The following DPP10 variants were observed in gnomAD, a reference collection of about 807,000 sequenced individuals.
DPP10 encodes dipeptidyl peptidase like 10, also known as inactive dipeptidyl peptidase 10.
Under a neutral mutation model 120.9 loss-of-function variants are expected in DPP10, and 33 were observed. That is an observed-to-expected ratio of 0.27 (90% CI 0.21 to 0.37). The LOEUF (loss-of-function observed/expected upper bound fraction) is 0.37. Among genes scored for constraint, DPP10 ranks in the 10% least tolerant of loss-of-function variants. DPP10 has a pLI of 1.00. For synonymous variants in DPP10, 337 were observed against 326.1 expected (o/e 1.03, Z -0.36); for missense variants, 816 against 942.8 (o/e 0.87, Z 1.76).
At chr2:115,026,492 T>C (rs996512231) in intron 1 of DPP10, among the ~76,000 whole-genome samples, 3 of 152,148 alleles carry the variant, frequency 2.0e-5, no homozygotes, top group African/African-American at 7.2e-5. Context: ...GCTTTGACTA[T>C]TCTGGGTCTT....
chr2:114,839,428 G>A (rs1164876522), intron 1 of DPP10, among the ~76,000 whole-genome samples: 1 of 152,046 alleles, frequency 6.6e-6, no homozygotes. Context: ...AATTCTATTA[G>A]TGATCATCAA....
At chr2:115,329,183 C>T (rs544340861) in intron 2 of DPP10, among the ~76,000 whole-genome samples, 102 of 152,002 alleles carry the variant, frequency 6.7e-4, no homozygotes, top group Non-Finnish European at 3.7e-4. Context: ...CATTTGTCAG[C>T]TGTCCTCCTC....
intron 1 of DPP10, among the ~76,000 whole-genome samples, chr2:114,818,256 A>G (rs114018392): frequency 0.01 from 1,541 of 152,306 alleles, 34 homozygotes; most frequent in African/African-American, 0.034. Flanking sequence ...AGAAAAAATT[A>G]TAAAAACAGG....
At chr2:115,334,222 C>T (rs2062952697) in intron 2 of DPP10, among the ~76,000 whole-genome samples, 1 of 30,498 alleles carries the variant, frequency 3.3e-5, no homozygotes, top group African/African-American at 8.3e-5. Context: ...TGGACCAGAG[C>T]AGACTCTGTT....
At chr2:115,167,799 T>C (rs575152304) in intron 1 of DPP10, among the ~76,000 whole-genome samples, 45 of 152,268 alleles carry the variant, frequency 3.0e-4, no homozygotes, top group African/African-American at 9.9e-4. Flanking sequence ...TTTCAAAATA[T>C]TCTGTTACAT....
rs1359039775 is a variant in DPP10 at position 115,843,147 on chromosome 2, T to C, written c.*802T>C. The C allele has an allele frequency of 6.6e-6, 1 of 152,652 alleles. No individual in the cohort carries two copies. 9.5% of individuals were successfully genotyped at this position (152,652 alleles called of 1,614,324 possible). A position where few individuals can be genotyped will look rare whatever the true frequency, so the allele number is the denominator to read the frequency against. ...AATGAGCCAAATATGATGAAACATT[T>C]TTTCCAATTCAAATTCTAGCTATTG... On this transcript the variant is annotated 3_prime_UTR_variant, in exon 26 of 26. Coordinates refer to ENST00000410059, the MANE Select transcript of DPP10 (RefSeq NM_020868.6).
chr2:115,825,773 G>A (rs1575907673), intron 21 of DPP10, among the ~76,000 whole-genome samples: 1 of 152,164 alleles, frequency 6.6e-6, no homozygotes, highest in African/African-American at 2.4e-5. Flanking sequence ...GTGTTGAAAT[G>A]TTTGGCTATG....
chr2:115,834,361 A>G (rs1689231507), intron 21 of DPP10, among the ~76,000 whole-genome samples: 1 of 152,208 alleles, frequency 6.6e-6, no homozygotes, highest in Admixed American at 6.5e-5. Flanking sequence ...TCATGAACAA[A>G]CTGCATCAGA....
In DPP10 at chr2:115,524,754, G is replaced by A. The variant is rs182941447; in HGVS notation, c.367-1144G>A. 3.3e-5 allele frequency among the ~76,000 whole-genome samples: 5 copies of A among 152,194 alleles called. No homozygotes were observed. The East Asian group carries it at 5.8e-4, about 18-fold the overall frequency. ...CAAAGAGTCCTCTGATGTTGCAGTC[G>A]CATTAGCATGAAATCGAATAAAGTG... On this transcript the variant is annotated intron_variant, in intron 4 of 25. Transcript: ENST00000410059.
chr2:115,805,613 C>A (rs189557334), intron 19 of DPP10, among the ~76,000 whole-genome samples: 1 of 148,992 alleles, frequency 6.7e-6, no homozygotes, highest in Admixed American at 6.7e-5. Flanking sequence ...TCACTCCTGT[C>A]GCCCAGGCTG....
chr2:115,028,391 G>A (rs1703618345), intron 1 of DPP10, among the ~76,000 whole-genome samples: 1 of 151,932 alleles, frequency 6.6e-6, no homozygotes, highest in South Asian at 2.1e-4. Flanking sequence ...ATGTGTTTCT[G>A]CAGTTTCTGA....
rs62156292 is a variant in DPP10, at chr2:115,778,799, C to T, written c.1361+965C>T. Among the ~76,000 whole-genome samples the T allele has an allele frequency of 4.7e-3, 716 of 152,158 alleles. 3 individuals carry two copies. The highest frequency in any genetic ancestry group is 0.033 in the East Asian group (171 of 5,158). On this transcript the variant is annotated intron_variant, in intron 15 of 25. Coordinates refer to ENST00000410059, the MANE Select transcript of DPP10 (RefSeq NM_020868.6). ...TCAGAAGCAACCTTGTCCTTTTAAT[C>T]GCCTTTCTTAATACATCATTATTAT...
chr2:114,911,831 T>A (rs1261910627), intron 1 of DPP10, among the ~76,000 whole-genome samples: 2 of 152,130 alleles, frequency 1.3e-5, no homozygotes, highest in African/African-American at 2.4e-5. Flanking sequence ...AATGTTTACA[T>A]CAGTTACACT....
chr2:115,674,393 T>A (rs536702801), intron 5 of DPP10, among the ~76,000 whole-genome samples: 1 of 152,108 alleles, frequency 6.6e-6, no homozygotes, highest in South Asian at 2.1e-4. Flanking sequence ...ATGTTTTTTT[T>A]TTTTTAAGAT....
chr2:115,800,985 G>A (rs1437404469), intron 19 of DPP10, among the ~76,000 whole-genome samples: 1 of 152,160 alleles, frequency 6.6e-6, no homozygotes, highest in East Asian at 1.9e-4. Flanking sequence ...GTCATTGGTA[G>A]CTTGATGGGA....
intron 1 of DPP10, among the ~76,000 whole-genome samples, chr2:115,054,769 G>A (rs1382694158): frequency 1.3e-5 from 2 of 152,008 alleles, no homozygotes; most frequent in Admixed American, 6.6e-5. Flanking sequence ...AAATTAGCCA[G>A]GCGTGGTGGC....
At chr2:115,247,773 A>T (rs975918065) in intron 1 of DPP10, among the ~76,000 whole-genome samples, 1 of 152,166 alleles carries the variant, frequency 6.6e-6, no homozygotes, top group Admixed American at 6.6e-5. Flanking sequence ...GTTGATGATG[A>T]TGGAAAGAAA....
chr2:115,608,882 A>G (rs1353850581), intron 5 of DPP10, among the ~76,000 whole-genome samples: 1 of 152,130 alleles, frequency 6.6e-6, no homozygotes, highest in African/African-American at 2.4e-5. Context: ...GACAAAGTTG[A>G]AGACATTGAA....
chr2:115,412,759 G>T (rs1626545), intron 3 of DPP10, among the ~76,000 whole-genome samples: 1 of 151,844 alleles, frequency 6.6e-6, no homozygotes, highest in Non-Finnish European at 1.5e-5. Flanking sequence ...TTTAGATGTC[G>T]TTTGAGAGAA....
Sources: gnomAD v4.1 joint callset for allele counts (sites outside exome capture counted in the v4.1 genomes callset) on GRCh38, gnomAD v4.1.1 for gene constraint, MANE v1.5 for transcripts, NCBI Gene and HGNC (gene_info 2026-07-23, HGNC 2026-07-21) for gene names.